COL4A2: variants seen among roughly 807,000 people sequenced by gnomAD.
COL4A2 encodes the protein collagen alpha-2(IV) chain.
A neutral mutation model predicts 200.2 loss-of-function variants in COL4A2; 99 were observed. That is an observed-to-expected ratio of 0.49 (90% CI 0.42 to 0.58). COL4A2 has a LOEUF of 0.58. Ranked by LOEUF, COL4A2 falls within the 20% of genes least tolerant of loss-of-function variation. The pLI is 0.00. For synonymous variants in COL4A2, 897 were observed against 900.6 expected, an observed-to-expected ratio of 1.00 and a Z score of 0.07; for missense variants, 1,950 against 2,314.1, an observed-to-expected ratio of 0.84 and a Z score of 3.23.
At chr13:110,501,047 T>C (rs748276365) in intron 40 of COL4A2, among the ~76,000 whole-genome samples, 2 of 152,238 alleles carry the variant, frequency 1.3e-5, no homozygotes, top group African/African-American at 2.4e-5. Flanking sequence ...GTCACCTTGC[T>C]GGATCTCAGC....
intron 4 of COL4A2, among the ~76,000 whole-genome samples, chr13:110,379,107 T>A (rs1035956186): frequency 7.9e-5 from 12 of 152,260 alleles, no homozygotes; most frequent in African/African-American, 2.9e-4. Context: ...CAGGGCTTCT[T>A]GAAAAGGGGC....
chr13:110,459,075 A>C, intron 22 of COL4A2, 141 bp downstream of exon 22: 4 of 817,508 alleles, frequency 4.9e-6, no homozygotes, highest in Non-Finnish European at 7.2e-6. Flanking sequence ...AACCATTCTA[A>C]AAACCCACAT....
At chr13:110,389,000 G>A (rs1224218815) in intron 4 of COL4A2, among the ~76,000 whole-genome samples, 12 of 152,162 alleles carry the variant, frequency 7.9e-5, no homozygotes, top group Non-Finnish European at 1.6e-4. Context: ...CTGTCTCCTT[G>A]TGACAGATTT....
chr13:110,313,921 G>T (rs939351737), intron 3 of COL4A2, among the ~76,000 whole-genome samples: 1 of 152,224 alleles, frequency 6.6e-6, no homozygotes, highest in Non-Finnish European at 1.5e-5. Flanking sequence ...CTCCTGGCTG[G>T]CTCCTGAGTA....
chr13:110,314,101 C>T (rs1885070276), intron 3 of COL4A2, among the ~76,000 whole-genome samples: 1 of 152,200 alleles, frequency 6.6e-6, no homozygotes, highest in Non-Finnish European at 1.5e-5. Context: ...GGCTGCAGTT[C>T]AATGTGATAA....
At chr13:110,445,410 A>C (rs1490230859) in intron 16 of COL4A2, among the ~76,000 whole-genome samples, 1 of 152,178 alleles carries the variant, frequency 6.6e-6, no homozygotes, top group Non-Finnish European at 1.5e-5. Context: ...CTCCAGCCCT[A>C]ATGACTCACG....
At chr13:110,452,566 G>A (rs7994073) in intron 20 of COL4A2, among the ~76,000 whole-genome samples, 122,166 of 152,120 alleles carry the variant, frequency 0.8, 49,168 homozygotes, top group Middle Eastern at 0.91. Context: ...CTATTTAAAA[G>A]GTAGTAGTCA....
chr13:110,504,371 A>G (rs971796772), intron 45 of COL4A2, 107 bp downstream of exon 45: 1 of 884,920 alleles, frequency 1.1e-6, no homozygotes, highest in Admixed American at 2.0e-5. Context: ...AAAGCCAGAA[A>G]TGAGGCGCTG....
chr13:110,323,461 C>T (rs1219985980), intron 3 of COL4A2, among the ~76,000 whole-genome samples: 1 of 152,154 alleles, frequency 6.6e-6, no homozygotes, highest in Non-Finnish European at 1.5e-5. Flanking sequence ...GTTAGTCATG[C>T]TAAATATAAT....
chr13:110,333,522 T>C (rs1222253389), intron 3 of COL4A2, among the ~76,000 whole-genome samples: 1 of 152,180 alleles, frequency 6.6e-6, no homozygotes, highest in Non-Finnish European at 1.5e-5. Flanking sequence ...ATTCTCTTCA[T>C]GGGGGCGATT....
chr13:110,352,550 A>G (rs1877009193), intron 3 of COL4A2, among the ~76,000 whole-genome samples: 1 of 152,220 alleles, frequency 6.6e-6, no homozygotes, highest in African/African-American at 2.4e-5. Flanking sequence ...AGTGATCATG[A>G]GTGAATGAAT....
At chr13:110,438,473 G>A (rs1880984971) in intron 14 of COL4A2, 145 bp from the exon 15 acceptor site, 2 of 1,096,540 alleles carry the variant, frequency 1.8e-6, no homozygotes, top group Admixed American at 1.7e-5. Flanking sequence ...GCCCTGCACT[G>A]CGCCTGAGTT....
At chr13:110,343,160 C>T (rs1357635462) in intron 3 of COL4A2, among the ~76,000 whole-genome samples, 1 of 152,100 alleles carries the variant, frequency 6.6e-6, no homozygotes, top group Non-Finnish European at 1.5e-5. Flanking sequence ...GATTGTCCAT[C>T]GAACACAAGA....
chr13:110,509,270 T>TATATACACACACACACACACAC (rs1435137108), intron 47 of COL4A2, among the ~76,000 whole-genome samples: 4 of 115,600 alleles, frequency 3.5e-5, no homozygotes, highest in African/African-American at 1.4e-4. Context: ...TATATATATA[T>TATATACACACACACACACACAC]ACACACACAC....
chr13:110,374,423 T>C (rs987726428), intron 4 of COL4A2, among the ~76,000 whole-genome samples: 1 of 152,204 alleles, frequency 6.6e-6, no homozygotes, highest in African/African-American at 2.4e-5. Flanking sequence ...TCAAAATTAT[T>C]CTTTCTTTCT....
chr13:110,487,305 T>A lies in COL4A2; in HGVS notation c.3207+1469T>A, dbSNP rs1172401652. Among the ~76,000 whole-genome samples, 7 of 152,152 alleles carry A rather than the reference T, an allele frequency of 4.6e-5. No individual in the cohort carries two copies. In the East Asian group the frequency reaches 1.3e-3, roughly 29 times the overall value. The stretch of plus-strand genomic sequence containing the variant: ...CGTCTCTACCAAAAATATAAAAAAT[T>A]AACCGGGTTTGGTGCTGCGCACTCA... On this transcript the variant is annotated intron_variant, in intron 34 of 47. Transcript: ENST00000360467.
Position 110,466,061 on chromosome 13 carries a change from A to T in COL4A2, c.2037A>T (p.Pro679=). 8.7e-6 allele frequency: 14 copies of T among 1,613,678 alleles called. No homozygotes were observed. The highest frequency in any genetic ancestry group is 1.1e-5 in the Non-Finnish European group (13 of 1,179,660). ...VGGDRQEAIQ[P]GCIGGPKGLP... is the part of the protein sequence containing the mutation. Reference sequence around the variant, plus strand: ...GTGACAGACAGGAGGCCATCCAGCCAGGTACTCTGGGAAGTGCAGGTGGCT... The same window carrying T: ...GTGACAGACAGGAGGCCATCCAGCCTGGTACTCTGGGAAGTGCAGGTGGCT... Residue 679 remains proline (P), a splice_region_variant and synonymous_variant, in exon 26 of 48, where the codon CCA becomes CCT. Transcript: ENST00000360467.
intron 36 of COL4A2, among the ~76,000 whole-genome samples, chr13:110,490,816 C>T (rs1883261509): frequency 6.6e-6 from 1 of 152,230 alleles, no homozygotes; most frequent in Admixed American, 6.5e-5. Flanking sequence ...GCTACCCCCA[C>T]CCAAGAATTA....
At position 110,374,781 on chromosome 13, in the gene COL4A2, C is replaced by T. The variant is rs187929674; in HGVS notation, c.180+17229C>T. 1.6e-4 allele frequency among the ~76,000 whole-genome samples: 24 copies of T among 152,340 alleles called. 1 individual carries two copies. The highest frequency in any genetic ancestry group is 6.2e-4 in the South Asian group (3 of 4,826). ...CTCTGTCCCACTGCTCCACCCCTGACTCTGCTAACCTCATGCCGATTATAC... is the reference window on the plus strand; with the variant it reads ...CTCTGTCCCACTGCTCCACCCCTGATTCTGCTAACCTCATGCCGATTATAC... On this transcript the variant is annotated intron_variant, in intron 4 of 47. Transcript: ENST00000360467.
Sources: allele counts gnomAD v4.1 joint callset (sites outside exome capture counted in the v4.1 genomes callset), GRCh38; gene constraint gnomAD v4.1.1; transcripts MANE v1.5; gene names NCBI Gene and HGNC (gene_info 2026-07-23, HGNC 2026-07-21).